Variants in CNTNAP5 observed in about 807,000 individuals in gnomAD.
CNTNAP5 encodes contactin-associated protein-like 5.
CNTNAP5 carries 72 observed loss-of-function variants against 150.2 expected under a neutral mutation model. That is an observed-to-expected ratio of 0.48 (90% confidence interval 0.40 to 0.58). The LOEUF is 0.58. Among genes scored for constraint, CNTNAP5 ranks in the 20% least tolerant of loss-of-function variants. The probability of loss-of-function intolerance (pLI) is 0.00; values close to 1 mark genes in which losing one functional copy is unlikely to be tolerated. For synonymous variants in CNTNAP5, 672 were observed against 619.8 expected (o/e 1.08, Z -1.25); for missense variants, 1,636 against 1,626.2 (o/e 1.01, Z -0.10).
intron 18 of CNTNAP5, among the ~76,000 whole-genome samples, chr2:124,794,843 A>G (rs998774154): frequency 3.9e-5 from 6 of 152,210 alleles, no homozygotes; most frequent in African/African-American, 1.4e-4. Context: ...TACAAATATT[A>G]CATCGTATAT....
intron 13 of CNTNAP5, among the ~76,000 whole-genome samples, chr2:124,726,468 T>C (rs751230444): frequency 4.5e-4 from 68 of 152,080 alleles, no homozygotes; most frequent in Non-Finnish European, 9.1e-4. Flanking sequence ...TCCCCTAAGA[T>C]TGTTAGTTTC....
intron 17 of CNTNAP5, among the ~76,000 whole-genome samples, chr2:124,781,698 C>A (rs1681456382): frequency 6.6e-6 from 1 of 152,160 alleles, no homozygotes; most frequent in Non-Finnish European, 1.5e-5. Flanking sequence ...TGCACTGGAG[C>A]CCTGCTTTGG....
intron 1 of CNTNAP5, among the ~76,000 whole-genome samples, chr2:124,151,037 G>C (rs1230818071): frequency 6.6e-6 from 1 of 152,184 alleles, no homozygotes; most frequent in Non-Finnish European, 1.5e-5. Context: ...GACACGGTAT[G>C]CTGGAAGTGT....
chr2:124,217,411 A>G (rs1686186085), intron 1 of CNTNAP5, among the ~76,000 whole-genome samples: 1 of 152,110 alleles, frequency 6.6e-6, no homozygotes, highest in African/African-American at 2.4e-5. Context: ...ATTGAAGGAG[A>G]GCACAGGTTT....
chr2:124,789,812 C>A, intron 17 of CNTNAP5, 90 bp from the exon 18 acceptor site: 1 of 1,174,454 alleles, frequency 8.5e-7, no homozygotes, highest in Non-Finnish European at 1.2e-6. Context: ...CAACAGAGAA[C>A]TACTTAACTC....
intron 8 of CNTNAP5, among the ~76,000 whole-genome samples, chr2:124,517,527 GGTGTTGGTGATGGAGGGTTGTA>G (rs1170873420): frequency 4.9e-4 from 73 of 149,834 alleles, no homozygotes; most frequent in Non-Finnish European, 8.6e-4. Context: ...CGTTCTTTGT[GGTGTTGGTGATGGAGGGTTGTA>G]GTGTTGGTGA....
rs974183076 is a variant in CNTNAP5, at chr2:124,917,692, T to G, written c.*3404T>G. On this transcript the variant is annotated 3_prime_UTR_variant, in exon 24 of 24. Coordinates refer to ENST00000682447, the MANE Select transcript of CNTNAP5 (RefSeq NM_001367498.1). Reference sequence around the variant, plus strand: ...AAAATAAAGAGATTGTTTTTCTTTTTTCATTCATGAAGTATTTATGGAATG... The same window carrying G: ...AAAATAAAGAGATTGTTTTTCTTTTGTCATTCATGAAGTATTTATGGAATG... Among the ~76,000 whole-genome samples the G allele has an allele frequency of 6.6e-6, 1 of 152,092 alleles. No individual in the cohort carries two copies. Among genetic ancestry groups the G allele is most frequent in the Admixed American group, 6.6e-5 (1 of 15,244 alleles).
At chr2:124,749,822 C>T (rs545976986) in intron 14 of CNTNAP5, among the ~76,000 whole-genome samples, 2 of 152,280 alleles carry the variant, frequency 1.3e-5, no homozygotes, top group South Asian at 4.1e-4. Flanking sequence ...TCAGTGTCTC[C>T]TCTTACTTGG....
At chr2:124,031,131 C>T (rs188589469) in intron 1 of CNTNAP5, among the ~76,000 whole-genome samples, 21 of 147,656 alleles carry the variant, frequency 1.4e-4, no homozygotes, top group Non-Finnish European at 2.4e-4. Flanking sequence ...ACTCTCTCCC[C>T]GCTATACATA....
intron 11 of CNTNAP5, among the ~76,000 whole-genome samples, chr2:124,590,687 T>C (rs751122677): frequency 7.2e-5 from 11 of 152,204 alleles, no homozygotes; most frequent in Admixed American, 1.3e-4. Context: ...TATGCAGTCA[T>C]GTGGTAAATA....
intron 3 of CNTNAP5, among the ~76,000 whole-genome samples, chr2:124,359,934 G>A (rs1362174685): frequency 1.2e-4 from 8 of 66,042 alleles, no homozygotes; most frequent in African/African-American, 4.3e-4. Flanking sequence ...TAATGTGTGG[G>A]AGTCTAAGTC....
chr2:124,507,369 G>T (rs1217858677), intron 8 of CNTNAP5, among the ~76,000 whole-genome samples: 1 of 152,070 alleles, frequency 6.6e-6, no homozygotes, highest in African/African-American at 2.4e-5. Context: ...CAGGTAGGAG[G>T]ATCAGCTGAG....
In CNTNAP5 at chr2:124,917,429, C is replaced by T. The variant is rs1253641132; in HGVS notation, c.*3141C>T. The stretch of plus-strand genomic sequence containing the variant: ...TTGCATATATAGCCTCAATTGCCAT[C>T]TTTATGAAAATTTGTCTGGAGAAAT... On this transcript the variant is annotated 3_prime_UTR_variant, in exon 24 of 24. Transcript: ENST00000682447. Among the ~76,000 whole-genome samples the T allele has an allele frequency of 2.0e-5, 3 of 152,036 alleles. No homozygotes were observed. Among genetic ancestry groups the T allele is most frequent in the Non-Finnish European group, 4.4e-5 (3 of 67,984 alleles).
intron 1 of CNTNAP5, among the ~76,000 whole-genome samples, chr2:124,028,400 G>C (rs1242458884): frequency 6.6e-6 from 1 of 151,960 alleles, no homozygotes; most frequent in East Asian, 1.9e-4. Context: ...ATGAATGCTT[G>C]CCCAATTATA....
At chr2:124,852,217 T>C (rs1027581533) in intron 19 of CNTNAP5, among the ~76,000 whole-genome samples, 12 of 152,218 alleles carry the variant, frequency 7.9e-5, no homozygotes, top group East Asian at 1.9e-4. Context: ...GAGTCCATGA[T>C]GCACTAATCA....
At chr2:124,838,389 A>G (rs1302906532) in intron 19 of CNTNAP5, among the ~76,000 whole-genome samples, 2 of 152,130 alleles carry the variant, frequency 1.3e-5, no homozygotes, top group East Asian at 3.9e-4. Context: ...TGCCTCTCAA[A>G]AAACATGTTG....
chr2:124,838,219 A>G (rs992675788), intron 19 of CNTNAP5, among the ~76,000 whole-genome samples: 2 of 152,158 alleles, frequency 1.3e-5, no homozygotes, highest in Non-Finnish European at 1.5e-5. Context: ...CAACCTTCAC[A>G]ATTTAATGAA....
At chr2:124,740,739 C>T (rs1313517794) in intron 13 of CNTNAP5, among the ~76,000 whole-genome samples, 2 of 152,138 alleles carry the variant, frequency 1.3e-5, no homozygotes, top group East Asian at 1.9e-4. Context: ...CAGTGACATA[C>T]AACATGCAGT....
chr2:124,310,213 C>T (rs1006279294), intron 3 of CNTNAP5, among the ~76,000 whole-genome samples: 1 of 152,024 alleles, frequency 6.6e-6, no homozygotes, highest in African/African-American at 2.4e-5. Flanking sequence ...TTCCTGGAAC[C>T]CTGTGTTGAC....
Sources: allele counts gnomAD v4.1 joint callset (sites outside exome capture counted in the v4.1 genomes callset), GRCh38; gene constraint gnomAD v4.1.1; transcripts MANE v1.5; gene names NCBI Gene and HGNC (gene_info 2026-07-23, HGNC 2026-07-21).